Variants in PAG1 observed in about 807,000 individuals in gnomAD.
The protein encoded by PAG1 is phosphoprotein associated with glycosphingolipid-enriched microdomains 1.
PAG1 carries 23 observed loss-of-function variants against 31.7 expected under a neutral mutation model. The observed-to-expected ratio is 0.73, with a 90% confidence interval of 0.52 to 1.03. The LOEUF (loss-of-function observed/expected upper bound fraction) is 1.03, where lower values mean the gene tolerates loss of function less well. Among genes scored for constraint, PAG1 ranks in the 50% least tolerant of loss-of-function variants. The probability of loss-of-function intolerance (pLI) is 0.00; values close to 1 mark genes in which losing one functional copy is unlikely to be tolerated. For missense variants in PAG1, 473 were observed against 540.7 expected (o/e 0.87, Z 1.24); for synonymous variants, 214 against 210.3 (o/e 1.02, Z -0.15).
chr8:81,061,228 A>G (rs1034202770), intron 2 of PAG1, among the ~76,000 whole-genome samples: 2 of 152,198 alleles, frequency 1.3e-5, no homozygotes, highest in Admixed American at 1.3e-4. Context: ...AGTACTAAAA[A>G]AGGAAGCTAC....
At chr8:80,992,124 A>G (rs763839200) in intron 4 of PAG1, among the ~76,000 whole-genome samples, 19 of 151,372 alleles carry the variant, frequency 1.3e-4, no homozygotes, top group Non-Finnish European at 2.4e-4. Flanking sequence ...GGTGACACCT[A>G]GTGGGAACAT....
chr8:81,105,565 T>A (rs934687273), intron 1 of PAG1, among the ~76,000 whole-genome samples: 2 of 151,988 alleles, frequency 1.3e-5, no homozygotes, highest in African/African-American at 4.8e-5. Context: ...AGGGACTGGC[T>A]TTTTTTTAAT....
chr8:81,004,211 G>A (rs1234858881), intron 3 of PAG1, among the ~76,000 whole-genome samples: 1 of 152,150 alleles, frequency 6.6e-6, no homozygotes, highest in African/African-American at 2.4e-5. Flanking sequence ...CTGATTAAAG[G>A]CATATACCCA....
chr8:81,089,449 T>C (rs1809411684), intron 1 of PAG1, among the ~76,000 whole-genome samples: 2 of 152,080 alleles, frequency 1.3e-5, no homozygotes, highest in Admixed American at 6.5e-5. Flanking sequence ...GTGCCTGTAG[T>C]CCCAGCTACT....
At chr8:81,073,286 A>T (rs978360461) in intron 1 of PAG1, among the ~76,000 whole-genome samples, 2 of 152,214 alleles carry the variant, frequency 1.3e-5, no homozygotes, top group African/African-American at 4.8e-5. Flanking sequence ...CCAAGTGAGT[A>T]TGACAATGCT....
In PAG1 at chr8:80,988,452, T is replaced by TTTTA. The variant is rs573638870; in HGVS notation, c.178-990_178-987dup. 4.1e-3 allele frequency among the ~76,000 whole-genome samples: 630 copies of TTTTA among 152,232 alleles called. 1 individual carries two copies. Among genetic ancestry groups the TTTTA allele is most frequent in the Admixed American group, 5.1e-3 (78 of 15,298 alleles). Reference sequence around the variant, plus strand: ...ATGCTGAAAATTAGCTCTGCAAACTTTTTATTTATTTATTTATTTATTTTT... The same window carrying TTTTA: ...ATGCTGAAAATTAGCTCTGCAAACTTTTTATTTATTTATTTATTTATTTATTTTT... On this transcript the variant is annotated intron_variant, in intron 5 of 8. Coordinates refer to ENST00000220597, the MANE Select transcript of PAG1 (RefSeq NM_018440.4).
At chr8:80,996,980 G>A (rs939060227) in intron 3 of PAG1, among the ~76,000 whole-genome samples, 1 of 149,238 alleles carries the variant, frequency 6.7e-6, no homozygotes, top group African/African-American at 2.6e-5. Flanking sequence ...TGCCACCCAA[G>A]GCAGTGCTGT....
intron 1 of PAG1, among the ~76,000 whole-genome samples, chr8:81,092,189 C>CA (rs58417714): frequency 0.013 from 927 of 69,822 alleles, 2 homozygotes; most frequent in Middle Eastern, 0.024. Flanking sequence ...CACATCTCTG[C>CA]AAAAAAAAAA....
intron 3 of PAG1, among the ~76,000 whole-genome samples, chr8:81,001,525 G>C (rs1220556185): frequency 6.6e-6 from 1 of 152,106 alleles, no homozygotes; most frequent in African/African-American, 2.4e-5. Context: ...GCTCCTGCTT[G>C]CATATAATCC....
intron 3 of PAG1, among the ~76,000 whole-genome samples, chr8:81,002,381 A>G (rs1292408950): frequency 6.6e-6 from 1 of 152,256 alleles, no homozygotes; most frequent in East Asian, 1.9e-4. Context: ...AGCCTGGGCT[A>G]ACTACAAATG....
At position 80,972,775 on chromosome 8, in the gene PAG1, T is replaced by C. The variant is rs1406737096; in HGVS notation, c.*3769A>G. 6.6e-6 allele frequency: 1 copy of C among 152,230 alleles called. No individual in the cohort carries two copies. Among genetic ancestry groups the C allele is most frequent in the Non-Finnish European group, 1.5e-5 (1 of 68,050 alleles). 9.4% of individuals were successfully genotyped at this position (152,230 alleles called of 1,614,324 possible). ...ATTAGAGCAACTCAAGGTTTTCCTGTAATTACCAAATGAAACTGATTGAAA... is the reference window on the plus strand; with the variant it reads ...ATTAGAGCAACTCAAGGTTTTCCTGCAATTACCAAATGAAACTGATTGAAA... On this transcript the variant is annotated 3_prime_UTR_variant, in exon 9 of 9. Transcript: ENST00000220597.
At chr8:81,096,535 T>C (rs930898981) in intron 1 of PAG1, among the ~76,000 whole-genome samples, 4 of 152,110 alleles carry the variant, frequency 2.6e-5, no homozygotes, top group African/African-American at 7.2e-5. Context: ...TACACAATAG[T>C]TTTCCAGCAA....
chr8:81,097,079 C>G (rs76379902), intron 1 of PAG1, among the ~76,000 whole-genome samples: 1 of 152,218 alleles, frequency 6.6e-6, no homozygotes, highest in Non-Finnish European at 1.5e-5. Context: ...AGGTATTACA[C>G]CCTATGCACC....
chr8:80,986,246 A>T (rs1807417673), intron 6 of PAG1, among the ~76,000 whole-genome samples: 1 of 152,128 alleles, frequency 6.6e-6, no homozygotes, highest in Non-Finnish European at 1.5e-5. Flanking sequence ...GAACTTACCA[A>T]CACCCCTGTG....
At chr8:81,007,273 A>G (rs1243724310) in intron 3 of PAG1, among the ~76,000 whole-genome samples, 1 of 152,048 alleles carries the variant, frequency 6.6e-6, no homozygotes, top group Non-Finnish European at 1.5e-5. Flanking sequence ...AAGTTAATTT[A>G]TCATAAAAGA....
intron 1 of PAG1, among the ~76,000 whole-genome samples, chr8:81,076,491 T>C (rs972452035): frequency 6.6e-6 from 1 of 152,202 alleles, no homozygotes; most frequent in African/African-American, 2.4e-5. Context: ...CATATGGTAA[T>C]TAGGGTTAGG....
At chr8:81,110,829 C>A (rs1200393348) in intron 1 of PAG1, among the ~76,000 whole-genome samples, 2 of 152,202 alleles carry the variant, frequency 1.3e-5, no homozygotes, top group African/African-American at 4.8e-5. Context: ...GCCGCTATAT[C>A]ATGTCAGCAT....
At chr8:80,982,366 C>T (rs139845558) in intron 7 of PAG1, among the ~76,000 whole-genome samples, 72 of 152,280 alleles carry the variant, frequency 4.7e-4, no homozygotes, top group African/African-American at 1.7e-3. Flanking sequence ...CGGCCCGCCA[C>T]TCCTTCCTTC....
intron 2 of PAG1, among the ~76,000 whole-genome samples, chr8:81,045,214 T>C (rs1808621693): frequency 6.6e-6 from 1 of 152,196 alleles, no homozygotes; most frequent in Non-Finnish European, 1.5e-5. Flanking sequence ...GTAGAGTATG[T>C]CAGGCTGACT....
Sources: gnomAD v4.1 joint callset for allele counts (sites outside exome capture counted in the v4.1 genomes callset) on GRCh38, gnomAD v4.1.1 for gene constraint, MANE v1.5 for transcripts, NCBI Gene and HGNC (gene_info 2026-07-23, HGNC 2026-07-21) for gene names.